The following RBFOX1 variants were observed in gnomAD, a reference collection of about 807,000 sequenced individuals.
RBFOX1 encodes RNA binding protein fox-1 homolog 1.
Under a neutral mutation model 57.7 loss-of-function variants are expected in RBFOX1, and 8 were observed. That is an observed-to-expected ratio of 0.14 (90% confidence interval 0.08 to 0.25). The LOEUF (loss-of-function observed/expected upper bound fraction) is 0.25. Ranked by LOEUF, RBFOX1 falls within the 10% of genes least tolerant of loss-of-function variation. The probability of loss-of-function intolerance (pLI) is 1.00; values close to 1 mark genes in which losing one functional copy is unlikely to be tolerated. For synonymous variants in RBFOX1, 326 were observed against 222.4 expected (o/e 1.47, Z -4.15); for missense variants, 611 against 548.5 (o/e 1.11, Z -1.14).
chr16:6,659,773 G>C (rs7190184), intron 3 of RBFOX1, among the ~76,000 whole-genome samples: 1 of 152,136 alleles, frequency 6.6e-6, no homozygotes, highest in African/African-American at 2.4e-5. Flanking sequence ...CCGGGAAGTA[G>C]TTGGCACCCA....
chr16:6,777,700 G>A (rs191614584), intron 3 of RBFOX1, among the ~76,000 whole-genome samples: 155 of 152,218 alleles, frequency 1.0e-3, no homozygotes, highest in African/African-American at 3.6e-3. Flanking sequence ...TTAATCTTAT[G>A]CATTCTGATG....
At chr16:5,822,097 T>C (rs1011849779) in intron 3 of RBFOX1, among the ~76,000 whole-genome samples, 3 of 152,252 alleles carry the variant, frequency 2.0e-5, no homozygotes, top group African/African-American at 7.2e-5. Flanking sequence ...CTGTTGTGAA[T>C]TGTGCTGCCA....
intron 2 of RBFOX1, among the ~76,000 whole-genome samples, chr16:6,543,370 G>A (rs1222171432): frequency 6.6e-6 from 1 of 152,070 alleles, no homozygotes; most frequent in Non-Finnish European, 1.5e-5. Flanking sequence ...TCTCTACTCG[G>A]TGGCTTCTCA....
chr16:7,694,248 A>G (rs1230419062), intron 14 of RBFOX1, among the ~76,000 whole-genome samples: 1 of 152,208 alleles, frequency 6.6e-6, no homozygotes, highest in Non-Finnish European at 1.5e-5. Context: ...ATAACTGAGC[A>G]TCCCATGACC....
At chr16:6,828,917 G>C (rs771045214) in intron 3 of RBFOX1, among the ~76,000 whole-genome samples, 3 of 151,992 alleles carry the variant, frequency 2.0e-5, no homozygotes, top group Non-Finnish European at 4.4e-5. Flanking sequence ...ATCCCCTTAG[G>C]CATGGTGCTC....
chr16:5,420,459 C>A (rs552141291), intron 1 of RBFOX1, among the ~76,000 whole-genome samples: 3 of 152,212 alleles, frequency 2.0e-5, no homozygotes, highest in African/African-American at 7.2e-5. Flanking sequence ...TACACACACA[C>A]TCATACACTC....
rs372476121 is a variant in RBFOX1 at position 7,457,623 on chromosome 16, A to G, written c.28-60524A>G. Among the ~76,000 whole-genome samples the G allele has an allele frequency of 1.1e-4, 16 of 152,164 alleles. No individual in the cohort carries two copies. In the East Asian group the frequency reaches 2.9e-3, roughly 28 times the overall value. ...ATTTGATTGTGAATGTTCCTTGTGAAGTGTTTTAAATCACAGGTATCAAAT... is the reference window on the plus strand; with the variant it reads ...ATTTGATTGTGAATGTTCCTTGTGAGGTGTTTTAAATCACAGGTATCAAAT... On this transcript the variant is annotated intron_variant, in intron 4 of 15. Coordinates refer to ENST00000550418, the MANE Select transcript of RBFOX1 (RefSeq NM_018723.4).
At chr16:6,973,161 C>G (rs563131098) in intron 3 of RBFOX1, among the ~76,000 whole-genome samples, 1 of 147,020 alleles carries the variant, frequency 6.8e-6, no homozygotes, top group Admixed American at 6.9e-5. Flanking sequence ...AAAATAGAGA[C>G]AAGGCCATCA....
intron 3 of RBFOX1, among the ~76,000 whole-genome samples, chr16:6,681,361 T>C (rs183446594): frequency 3.9e-5 from 6 of 152,316 alleles, no homozygotes; most frequent in African/African-American, 1.4e-4. Flanking sequence ...CTTGGTTAAG[T>C]CTTTGCTACC....
In RBFOX1 at chr16:7,460,375, A is replaced by ATG. The variant is rs1334455147; in HGVS notation, c.28-57771_28-57770insGT. On this transcript the variant is annotated intron_variant, in intron 4 of 15. Coordinates refer to ENST00000550418, the MANE Select transcript of RBFOX1 (RefSeq NM_018723.4). The stretch of plus-strand genomic sequence containing the variant: ...TTGCCTTAATCATTTAGCAAAATAT[A>ATG]TATATATATATATATGTGTGTGTGT... Among the ~76,000 whole-genome samples the ATG allele has an allele frequency of 1.3e-4, 11 of 83,056 alleles. 2 individuals carry two copies. Among genetic ancestry groups the ATG allele is most frequent in the Non-Finnish European group, 1.8e-4 (9 of 49,196 alleles). 54.5% of individuals were successfully genotyped at this position (83,056 alleles called of 152,430 possible). A position where few individuals can be genotyped will look rare whatever the true frequency, so the allele number is the denominator to read the frequency against.
chr16:7,648,358 G>A (rs1358401641), intron 11 of RBFOX1, among the ~76,000 whole-genome samples: 1 of 151,978 alleles, frequency 6.6e-6, no homozygotes, highest in Admixed American at 6.6e-5. Context: ...CCAAGTAGCT[G>A]GGACTACAGA....
chr16:6,232,094 A>G (rs934222440), intron 1 of RBFOX1, among the ~76,000 whole-genome samples: 1 of 152,156 alleles, frequency 6.6e-6, no homozygotes, highest in Non-Finnish European at 1.5e-5. Flanking sequence ...GTTTCCCAGA[A>G]TAATCATGCT....
At chr16:6,426,548 T>C (rs1425523289) in intron 2 of RBFOX1, among the ~76,000 whole-genome samples, 1 of 152,038 alleles carries the variant, frequency 6.6e-6, no homozygotes, top group Non-Finnish European at 1.5e-5. Context: ...GGAGGATCTC[T>C]TGAGCCCAGG....
chr16:6,983,747 G>C (rs998812), intron 3 of RBFOX1: 9,999 of 152,560 alleles, frequency 0.066, 402 homozygotes, highest in South Asian at 0.17. Context: ...AAGTATGTGT[G>C]CTGTGATGTA....
chr16:7,010,015 G>T (rs576155339), intron 3 of RBFOX1, among the ~76,000 whole-genome samples: 1 of 148,458 alleles, frequency 6.7e-6, no homozygotes, highest in African/African-American at 2.6e-5. Flanking sequence ...CTTGATAGAA[G>T]CTCAGAGAAC....
chr16:5,672,909 TA>T (rs1419200536), intron 3 of RBFOX1, among the ~76,000 whole-genome samples: 1 of 151,930 alleles, frequency 6.6e-6, no homozygotes, highest in African/African-American at 2.4e-5. Flanking sequence ...TCATTTTTAA[TA>T]ATTAATAGTA....
chr16:6,063,702 C>T (rs1392466840), intron 1 of RBFOX1, among the ~76,000 whole-genome samples: 2 of 152,108 alleles, frequency 1.3e-5, no homozygotes, highest in Non-Finnish European at 2.9e-5. Context: ...GAAGTGGGGT[C>T]CTGTCACCAG....
intron 4 of RBFOX1, among the ~76,000 whole-genome samples, chr16:7,110,889 G>A (rs1194543243): frequency 6.6e-6 from 1 of 152,104 alleles, no homozygotes; most frequent in Non-Finnish European, 1.5e-5. Flanking sequence ...GGTCAGCTGT[G>A]ATATAGAATT....
At chr16:6,881,301 A>G (rs971358843) in intron 3 of RBFOX1, among the ~76,000 whole-genome samples, 5 of 152,200 alleles carry the variant, frequency 3.3e-5, no homozygotes, top group African/African-American at 9.7e-5. Context: ...CCTATCGTTG[A>G]CAATATTAGT....
Sources: allele counts gnomAD v4.1 joint callset (sites outside exome capture counted in the v4.1 genomes callset), GRCh38; gene constraint gnomAD v4.1.1; transcripts MANE v1.5; gene names NCBI Gene and HGNC (gene_info 2026-07-23, HGNC 2026-07-21).